HACD3: variants seen among roughly 807,000 people sequenced by gnomAD.
The protein encoded by HACD3 is very-long-chain (3R)-3-hydroxyacyl-CoA dehydratase 3.
Under a neutral mutation model 55.2 loss-of-function variants are expected in HACD3, and 30 were observed. The observed-to-expected ratio is 0.54, with a 90% CI of 0.41 to 0.74. HACD3 has a LOEUF of 0.74. Among genes scored for constraint, HACD3 ranks in the 30% least tolerant of loss-of-function variants. The pLI is 0.00. For synonymous variants in HACD3, 141 were observed against 151.7 expected (o/e 0.93, Z 0.52); for missense variants, 363 against 440.1 (o/e 0.82, Z 1.57).
In HACD3 at chr15:65,556,736, T is replaced by C; in HGVS notation, c.205-3T>C. ...ATTCTCACATTTTCACTTTCTCTCC[T>C]AGCCTGTTTACAAACTGACCCAGAG... On this transcript the variant is annotated splice_polypyrimidine_tract_variant and splice_region_variant and intron_variant, in intron 3 of 10. Transcript: ENST00000261875. 1.2e-6 allele frequency: 2 copies of C among 1,604,988 alleles called. No homozygotes were observed. The highest frequency in any genetic ancestry group is 1.7e-6 in the Non-Finnish European group (2 of 1,173,814).
chr15:65,557,454 A>G (rs2072204402), intron 4 of HACD3, among the ~76,000 whole-genome samples: 2 of 151,896 alleles, frequency 1.3e-5, no homozygotes, highest in Non-Finnish European at 2.9e-5. Flanking sequence ...CAGCCTGGGC[A>G]ACAGAGCGAG....
chr15:65,576,524 C>A lies in HACD3; in HGVS notation c.*145C>A. The A allele has an allele frequency of 1.2e-6, 1 of 812,494 alleles. No homozygotes were observed. Among genetic ancestry groups the A allele is most frequent in the Non-Finnish European group, 1.9e-6 (1 of 529,472 alleles). 50.3% of individuals were successfully genotyped at this position (812,494 alleles called of 1,614,324 possible). ...ATCTTCCTTTTCCCCAGTAACATTC[C>A]TGAATTTACTGTTATCTTATTGTAG... On this transcript the variant is annotated 3_prime_UTR_variant, in exon 11 of 11. Transcript: ENST00000261875.
chr15:65,545,563 C>A (rs993565204), intron 1 of HACD3, among the ~76,000 whole-genome samples: 1 of 151,804 alleles, frequency 6.6e-6, no homozygotes, highest in South Asian at 2.1e-4. Context: ...CCTGCCTCAG[C>A]CTCCTGAGTA....
At chr15:65,537,422 G>A (rs1177328417) in intron 1 of HACD3, among the ~76,000 whole-genome samples, 1 of 151,954 alleles carries the variant, frequency 6.6e-6, no homozygotes, top group East Asian at 1.9e-4. Flanking sequence ...TTTTGTTAGG[G>A]GCTAATGCAG....
intron 4 of HACD3, 120 bp from the exon 5 acceptor site, chr15:65,558,560 C>G: frequency 1.1e-6 from 1 of 888,594 alleles, no homozygotes; most frequent in African/African-American, 1.7e-5. Flanking sequence ...CAATGATGCA[C>G]TGACCCCAAC....
intron 3 of HACD3, among the ~76,000 whole-genome samples, chr15:65,555,401 CAGAA>C (rs1316324341): frequency 2.0e-5 from 3 of 152,130 alleles, no homozygotes; most frequent in African/African-American, 7.2e-5. Flanking sequence ...AAATAGAAAT[CAGAA>C]AGGGTGAAGG....
chr15:65,562,799 C>T lies in HACD3; in HGVS notation c.447C>T (p.Tyr149=). The T allele has an allele frequency of 2.5e-6, 4 of 1,613,756 alleles. No homozygotes were observed. Among genetic ancestry groups the T allele is most frequent in the Non-Finnish European group, 3.4e-6 (4 of 1,179,836 alleles). ...PETLTNLRKG[Y]LFMYNLVQFL... ...CTCTTACAAACTTAAGGAAAGGATACCTGTTTATGTATAATCTTGTGCAAT... is the reference window on the plus strand; with the variant it reads ...CTCTTACAAACTTAAGGAAAGGATATCTGTTTATGTATAATCTTGTGCAAT... The change falls in exon 6 of 11, where the codon TAC becomes TAT. Residue 149 remains tyrosine (Y), a synonymous_variant. Coordinates refer to ENST00000261875, the MANE Select transcript of HACD3 (RefSeq NM_016395.4).
chr15:65,571,018 C>T (rs758291488), intron 8 of HACD3, among the ~76,000 whole-genome samples: 9 of 152,168 alleles, frequency 5.9e-5, no homozygotes, highest in Non-Finnish European at 1.3e-4. Context: ...GAGGGAAGCA[C>T]ATCTCACACA....
intron 6 of HACD3, among the ~76,000 whole-genome samples, chr15:65,563,257 G>A (rs1295449276): frequency 6.6e-6 from 1 of 152,012 alleles, no homozygotes; most frequent in East Asian, 1.9e-4. Flanking sequence ...CACCCTTTTG[G>A]AGCCTAAATA....
At chr15:65,571,698 G>C (rs115173804) in intron 9 of HACD3, 44 bp downstream of exon 9, 1 of 1,458,724 alleles carries the variant, frequency 6.9e-7, no homozygotes, top group South Asian at 1.2e-5. Flanking sequence ...GCTCCAGGGG[G>C]TACCCAGAGG....
chr15:65,565,270 A>G (rs1158599256), intron 7 of HACD3: 4 of 152,876 alleles, frequency 2.6e-5, no homozygotes, highest in Admixed American at 1.3e-4. Context: ...CAGTGGATCT[A>G]CCACTTTGGG....
chr15:65,568,211 C>T (rs779257299), intron 7 of HACD3, among the ~76,000 whole-genome samples: 3 of 151,724 alleles, frequency 2.0e-5, no homozygotes, highest in South Asian at 2.1e-4. Flanking sequence ...CGTGAGCCAC[C>T]GTGCCCGGCA....
At chr15:65,559,361 A>C (rs1328245011) in intron 5 of HACD3, among the ~76,000 whole-genome samples, 2 of 152,028 alleles carry the variant, frequency 1.3e-5, no homozygotes, top group African/African-American at 4.8e-5. Flanking sequence ...TAGCGCCTAT[A>C]CTCAAAAGGG....
intron 10 of HACD3, chr15:65,574,692 C>A (rs1049575562): frequency 6.6e-6 from 1 of 150,910 alleles, no homozygotes; most frequent in South Asian, 2.1e-4. Flanking sequence ...TGTAGGCCCA[C>A]GTCATTTGCA....
chr15:65,547,292 T>G (rs545256431), intron 1 of HACD3, among the ~76,000 whole-genome samples: 2 of 152,242 alleles, frequency 1.3e-5, no homozygotes, highest in South Asian at 4.1e-4. Flanking sequence ...AATTTTTGTA[T>G]TTTTAGTAGA....
At chr15:65,543,080 A>AC (rs1209205322) in intron 1 of HACD3, among the ~76,000 whole-genome samples, 1 of 151,754 alleles carries the variant, frequency 6.6e-6, no homozygotes, top group African/African-American at 2.4e-5. Flanking sequence ...CTCTAAAAAA[A>AC]AAAAAAAAAG....
At position 65,576,355 on chromosome 15, in the gene HACD3, A is replaced by C; in HGVS notation, c.1065A>C (p.Gly355=). The part of the protein sequence containing the change: ...HLYKQRRRRY[G]QKKKKIH Reference sequence around the variant, plus strand: ...ATAAACAGCGCAGACGGCGCTATGGACAAAAAAAGAAAAAGATCCACTAAA... The same window carrying C: ...ATAAACAGCGCAGACGGCGCTATGGCCAAAAAAAGAAAAAGATCCACTAAA... Residue 355 remains glycine, a synonymous_variant, in exon 11 of 11, where the codon GGA becomes GGC. Coordinates refer to ENST00000261875, the MANE Select transcript of HACD3 (RefSeq NM_016395.4). 1 of 1,602,042 alleles carries C rather than the reference A, an allele frequency of 6.2e-7. No homozygotes were observed. Among genetic ancestry groups the C allele is most frequent in the Non-Finnish European group, 8.5e-7 (1 of 1,174,018 alleles).
At chr15:65,539,812 G>A (rs1219812738) in intron 1 of HACD3, among the ~76,000 whole-genome samples, 1 of 108,626 alleles carries the variant, frequency 9.2e-6, no homozygotes, top group African/African-American at 3.0e-5. Flanking sequence ...TAGAATTAAA[G>A]CTTAGAAATA....
chr15:65,576,315 A>G lies in HACD3; in HGVS notation c.1025A>G (p.Asn342Ser), dbSNP rs969154887. The G allele has an allele frequency of 5.6e-6, 9 of 1,596,358 alleles. No homozygotes were observed. The African/African-American group carries it at 8.1e-5, about 14-fold the overall frequency. ...TTTTCTTTTTCAGGTTTATACATAA[A>G]TTTTCGTCACCTTTATAAACAGCGC... Reference protein sequence around the residue: ...LIMIFLGLYINFRHLYKQRRR... With the variant: ...LIMIFLGLYISFRHLYKQRRR... The change falls in exon 11 of 11, where the codon AAT becomes AGT. Residue 342 changes from asparagine (N) to serine (S), a missense_variant. By Grantham distance (46) the Asn-to-Ser change is conservative (BLOSUM62 1). Transcript: ENST00000261875.
Sources: allele counts gnomAD v4.1 joint callset (sites outside exome capture counted in the v4.1 genomes callset), GRCh38; gene constraint gnomAD v4.1.1; transcripts MANE v1.5; gene names NCBI Gene and HGNC (gene_info 2026-07-23, HGNC 2026-07-21).